ZNF804A: variants seen among roughly 807,000 people sequenced by gnomAD.
ZNF804A encodes zinc finger protein 804A.
A neutral mutation model predicts 16.5 loss-of-function variants in ZNF804A; 2 were observed. The observed-to-expected ratio is 0.12, with a 90% CI of 0.05 to 0.38. The LOEUF is 0.38. ZNF804A is among the 10% of genes least tolerant of loss of function. The pLI is 0.99. For missense variants in ZNF804A, 1,473 were observed against 1,390.7 expected (o/e 1.06, Z -0.94); for synonymous variants, 534 against 489.6 (o/e 1.09, Z -1.20).
intron 1 of ZNF804A, among the ~76,000 whole-genome samples, chr2:184,822,636 T>G (rs1291770939): frequency 6.6e-6 from 1 of 152,134 alleles, no homozygotes; most frequent in Non-Finnish European, 1.5e-5. Flanking sequence ...TGAGCAGATT[T>G]TTTTTGAGAT....
chr2:184,789,137 T>C (rs1283063494), intron 1 of ZNF804A, among the ~76,000 whole-genome samples: 2 of 152,056 alleles, frequency 1.3e-5, no homozygotes, highest in African/African-American at 4.8e-5. Context: ...AGGTGGATCA[T>C]GATTATTGTT....
intron 1 of ZNF804A, among the ~76,000 whole-genome samples, chr2:184,834,082 T>C (rs7599314): frequency 0.065 from 9,898 of 152,166 alleles, 1,101 homozygotes; most frequent in African/African-American, 0.22. Flanking sequence ...TGATGATTTT[T>C]CCAAATCTAA....
intron 2 of ZNF804A, among the ~76,000 whole-genome samples, chr2:184,880,261 A>C (rs575340960): frequency 6.6e-6 from 1 of 152,224 alleles, no homozygotes; most frequent in Non-Finnish European, 1.5e-5. Flanking sequence ...TGGAAGAGTA[A>C]GTTATGCTGG....
intron 1 of ZNF804A, among the ~76,000 whole-genome samples, chr2:184,670,570 T>C (rs919944068): frequency 6.6e-6 from 1 of 152,144 alleles, no homozygotes; most frequent in Non-Finnish European, 1.5e-5. Flanking sequence ...TAGTGAGTTA[T>C]TTAAATGACT....
At chr2:184,875,124 A>G (rs1696033027) in intron 2 of ZNF804A, among the ~76,000 whole-genome samples, 1 of 152,228 alleles carries the variant, frequency 6.6e-6, no homozygotes, top group Admixed American at 6.5e-5. Flanking sequence ...GTTTTTGGAT[A>G]CTTTTTAAAA....
chr2:184,617,919 C>T (rs13417763), intron 1 of ZNF804A, among the ~76,000 whole-genome samples: 5,167 of 151,824 alleles, frequency 0.034, 306 homozygotes, highest in African/African-American at 0.11. Context: ...ATTATAATTG[C>T]CATTTTAAAA....
chr2:184,676,015 A>G (rs940519168), intron 1 of ZNF804A, among the ~76,000 whole-genome samples: 3 of 151,774 alleles, frequency 2.0e-5, no homozygotes, highest in Non-Finnish European at 4.4e-5. Flanking sequence ...GAGGGATAAT[A>G]TGTATATTTA....
intron 1 of ZNF804A, among the ~76,000 whole-genome samples, chr2:184,713,047 T>C (rs1244521655): frequency 6.6e-6 from 1 of 151,810 alleles, no homozygotes; most frequent in African/African-American, 2.4e-5. Flanking sequence ...GATTTATTTA[T>C]TTTTTAATTG....
At chr2:184,855,192 G>A (rs951132510) in intron 1 of ZNF804A, among the ~76,000 whole-genome samples, 3 of 151,990 alleles carry the variant, frequency 2.0e-5, no homozygotes, top group African/African-American at 7.2e-5. Flanking sequence ...TGACTGTGCT[G>A]GGATATGCTA....
At chr2:184,812,458 T>C (rs920896120) in intron 1 of ZNF804A, among the ~76,000 whole-genome samples, 1 of 152,150 alleles carries the variant, frequency 6.6e-6, no homozygotes, top group Non-Finnish European at 1.5e-5. Flanking sequence ...AATAAAGAAC[T>C]TTTTATTTTT....
intron 1 of ZNF804A, among the ~76,000 whole-genome samples, chr2:184,865,111 C>T (rs1301590050): frequency 6.6e-6 from 1 of 151,870 alleles, no homozygotes; most frequent in Non-Finnish European, 1.5e-5. Context: ...AACTCTTGAC[C>T]TCAAGTGATC....
chr2:184,765,624 G>C (rs1017605801), intron 1 of ZNF804A, among the ~76,000 whole-genome samples: 1 of 109,018 alleles, frequency 9.2e-6, no homozygotes, highest in East Asian at 2.5e-4. Flanking sequence ...CCTTAGAGTC[G>C]TGAGCCCTTA....
At chr2:184,650,786 T>A (rs532438041) in intron 1 of ZNF804A, among the ~76,000 whole-genome samples, 1 of 152,142 alleles carries the variant, frequency 6.6e-6, no homozygotes, top group East Asian at 1.9e-4. Context: ...AAAATACTGA[T>A]GAAAGAAGTC....
chr2:184,879,634 AAG>A (rs1467977059), intron 2 of ZNF804A, among the ~76,000 whole-genome samples: 7 of 152,042 alleles, frequency 4.6e-5, no homozygotes, highest in African/African-American at 1.7e-4. Context: ...CAGCAGGAAA[AAG>A]AGTCTAAAAG....
chr2:184,782,772 T>A (rs2105774560), intron 1 of ZNF804A, among the ~76,000 whole-genome samples: 1 of 150,188 alleles, frequency 6.7e-6, no homozygotes, highest in African/African-American at 2.4e-5. Flanking sequence ...TAAGGATTTT[T>A]TTTTTTTTTT....
At chr2:184,782,111 G>A (rs1484974799) in intron 1 of ZNF804A, among the ~76,000 whole-genome samples, 2 of 151,618 alleles carry the variant, frequency 1.3e-5, no homozygotes, top group Non-Finnish European at 2.9e-5. Context: ...ATCTCTTTGA[G>A]GGCCTTATCT....
intron 1 of ZNF804A, among the ~76,000 whole-genome samples, chr2:184,735,597 A>C (rs537497716): frequency 6.6e-6 from 1 of 152,350 alleles, no homozygotes; most frequent in South Asian, 2.1e-4. Context: ...TAACTTTAAA[A>C]ATAAATAAAT....
chr2:184,852,158 C>T (rs1028451371), intron 1 of ZNF804A, among the ~76,000 whole-genome samples: 4 of 151,606 alleles, frequency 2.6e-5, no homozygotes, highest in East Asian at 1.9e-4. Context: ...CCAAGATCTA[C>T]AGTGGATGCT....
At chr2:184,611,290 G>A (rs1397715112) in intron 1 of ZNF804A, among the ~76,000 whole-genome samples, 4 of 151,720 alleles carry the variant, frequency 2.6e-5, no homozygotes, top group Non-Finnish European at 1.5e-5. Flanking sequence ...TTTGGGGGAG[G>A]GCAAACATTC....
Sources: gnomAD v4.1 joint callset for allele counts (sites outside exome capture counted in the v4.1 genomes callset) on GRCh38, gnomAD v4.1.1 for gene constraint, MANE v1.5 for transcripts, NCBI Gene and HGNC (gene_info 2026-07-23, HGNC 2026-07-21) for gene names.